PCDHA4: variants seen among roughly 807,000 people sequenced by gnomAD.
PCDHA4 encodes the protein protocadherin alpha 4.
In PCDHA4, 49 loss-of-function variants were observed where a neutral mutation model predicts 61.4. The observed-to-expected ratio is 0.80, with a 90% CI of 0.63 to 1.01. The LOEUF (loss-of-function observed/expected upper bound fraction) is 1.01, where lower values mean the gene tolerates loss of function less well. Ranked by LOEUF, PCDHA4 falls within the 50% of genes least tolerant of loss-of-function variation. The pLI is 0.00. For missense variants in PCDHA4, 1,254 were observed against 1,235.8 expected (o/e 1.01, Z -0.22); for synonymous variants, 590 against 550.3 (o/e 1.07, Z -1.01).
intron 1 of PCDHA4, among the ~76,000 whole-genome samples, chr5:140,936,139 C>T (rs1166879357): frequency 6.6e-6 from 1 of 152,078 alleles, no homozygotes; most frequent in Non-Finnish European, 1.5e-5. Flanking sequence ...GTGATCTGCC[C>T]GCCTTGGCCT....
rs782592420 is a variant in PCDHA4, at chr5:140,869,527, A to G, written c.2385+59955A>G. The G allele has an allele frequency of 1.2e-6, 2 of 1,614,186 alleles. No individual in the cohort carries two copies. Among genetic ancestry groups the G allele is most frequent in the African/African-American group, 2.7e-5 (2 of 75,038 alleles). On this transcript the variant is annotated intron_variant, in intron 1 of 3. Coordinates refer to ENST00000530339, the MANE Select transcript of PCDHA4 (RefSeq NM_018907.4). ...CTCGCTCAGAGAACAAAAGCTGCTG[A>G]TTGCGGAATCTAAGCAATCGGACTC...
intron 1 of PCDHA4, among the ~76,000 whole-genome samples, chr5:140,943,736 A>G (rs913454195): frequency 3.3e-5 from 5 of 152,266 alleles, no homozygotes; most frequent in Non-Finnish European, 7.3e-5. Context: ...ATGAAAGTCC[A>G]CAGTCTAAAA....
chr5:140,893,107 G>A (rs1324641421), intron 1 of PCDHA4, among the ~76,000 whole-genome samples: 4 of 152,226 alleles, frequency 2.6e-5, no homozygotes, highest in East Asian at 1.9e-4. Flanking sequence ...ATAATATTCC[G>A]TTGTGCATAT....
intron 1 of PCDHA4, chr5:140,815,624 A>C (rs1025755235): frequency 2.6e-5 from 4 of 152,122 alleles, no homozygotes; most frequent in Non-Finnish European, 5.9e-5. Context: ...CCACCATTAC[A>C]GTATTATAGT....
intron 1 of PCDHA4, chr5:140,968,109 A>G (rs2096220086): frequency 6.2e-7 from 1 of 1,614,046 alleles, no homozygotes; most frequent in African/African-American, 1.3e-5. Context: ...GGAATACCGC[A>G]GCTCACATCC....
At chr5:140,969,162 C>T in intron 1 of PCDHA4, 1 of 1,614,110 alleles carries the variant, frequency 6.2e-7, no homozygotes, top group Non-Finnish European at 8.5e-7. Flanking sequence ...TGTCTGACAG[C>T]AGGCTCAGGG....
chr5:140,841,654 C>A lies in PCDHA4; in HGVS notation c.2385+32082C>A, dbSNP rs1270188852. The A allele has an allele frequency of 6.2e-6, 10 of 1,613,990 alleles. No homozygotes were observed. In the East Asian group the frequency reaches 1.3e-4, roughly 22 times the overall value. On this transcript the variant is annotated intron_variant, in intron 1 of 3. Transcript: ENST00000530339. ...GCATCCACCTGGAGGTGATCGTGGA[C>A]AGGCCGCTGCAGGTTTTCCATGTGG...
chr5:140,882,303 G>A, intron 1 of PCDHA4: 1 of 1,613,824 alleles, frequency 6.2e-7, no homozygotes. Context: ...CCAAGACCGC[G>A]GCAACTACTG....
At chr5:140,836,094 G>T (rs150822529) in intron 1 of PCDHA4, 1 of 1,613,590 alleles carries the variant, frequency 6.2e-7, no homozygotes, top group Non-Finnish European at 8.5e-7. Flanking sequence ...GCCTCGGGTG[G>T]GTGGCACTGG....
intron 1 of PCDHA4, among the ~76,000 whole-genome samples, chr5:140,907,596 G>A (rs1554193068): frequency 2.0e-5 from 3 of 152,214 alleles, no homozygotes; most frequent in African/African-American, 7.2e-5. Flanking sequence ...ATCACCCTGA[G>A]GAATGGTGCC....
intron 1 of PCDHA4, among the ~76,000 whole-genome samples, chr5:140,971,548 C>T (rs558563294): frequency 6.6e-6 from 1 of 152,246 alleles, no homozygotes; most frequent in African/African-American, 2.4e-5. Context: ...CCAGATCAAC[C>T]TGTTAAATTC....
At chr5:140,918,940 A>G (rs541337613) in intron 1 of PCDHA4, among the ~76,000 whole-genome samples, 1 of 152,212 alleles carries the variant, frequency 6.6e-6, no homozygotes, top group Non-Finnish European at 1.5e-5. Context: ...TTTTGTTATA[A>G]TATCCTGAAC....
At chr5:140,951,682 C>T (rs1327606119) in intron 1 of PCDHA4, among the ~76,000 whole-genome samples, 1 of 152,146 alleles carries the variant, frequency 6.6e-6, no homozygotes, top group East Asian at 1.9e-4. Flanking sequence ...TTGGGGATTA[C>T]AATGTGACAT....
At chr5:140,928,657 G>T in intron 1 of PCDHA4, 1 of 1,614,220 alleles carries the variant, frequency 6.2e-7, no homozygotes, top group Admixed American at 1.7e-5. Flanking sequence ...AGAGGATGCT[G>T]ACAGTGGTTC....
At chr5:140,996,596 C>G (rs1343501273) in intron 3 of PCDHA4, among the ~76,000 whole-genome samples, 1 of 152,156 alleles carries the variant, frequency 6.6e-6, no homozygotes. Flanking sequence ...CCGCCTCCCC[C>G]CATTTTCATT....
At chr5:140,937,446 G>A (rs1330877546) in intron 1 of PCDHA4, among the ~76,000 whole-genome samples, 1 of 152,088 alleles carries the variant, frequency 6.6e-6, no homozygotes, top group Non-Finnish European at 1.5e-5. Context: ...TATTTTAAAA[G>A]TTTAATTTTA....
At chr5:140,998,522 A>G (rs2097818629) in intron 3 of PCDHA4, among the ~76,000 whole-genome samples, 1 of 151,980 alleles carries the variant, frequency 6.6e-6, no homozygotes, top group South Asian at 2.1e-4. Context: ...TATTATTCAT[A>G]TTTATATCCC....
chr5:140,903,172 C>T (rs2070066511), intron 1 of PCDHA4, among the ~76,000 whole-genome samples: 1 of 152,152 alleles, frequency 6.6e-6, no homozygotes, highest in Non-Finnish European at 1.5e-5. Flanking sequence ...GGTTTACATT[C>T]CCACCAATAG....
Position 140,883,949 on chromosome 5 carries a change from A to C in PCDHA4, c.2385+74377A>C, listed in dbSNP as rs566235340. On this transcript the variant is annotated intron_variant, in intron 1 of 3. Transcript: ENST00000530339. ...GGTGTTCGTGCTGGACGAGAACGAC[A>C]ACGCTCCGGCGCTGCTGACGCCCGG... 178 of 1,613,356 alleles carry C rather than the reference A, an allele frequency of 1.1e-4. 5 individuals carry two copies. The South Asian group carries it at 1.9e-3, about 18-fold the overall frequency.
Sources: gnomAD v4.1 joint callset for allele counts (sites outside exome capture counted in the v4.1 genomes callset) on GRCh38, gnomAD v4.1.1 for gene constraint, MANE v1.5 for transcripts, NCBI Gene and HGNC (gene_info 2026-07-23, HGNC 2026-07-21) for gene names.